The following ABCC1 variants were observed in gnomAD, a reference collection of about 807,000 sequenced individuals.
ABCC1 encodes the protein multidrug resistance-associated protein 1.
Under a neutral mutation model 172.9 loss-of-function variants are expected in ABCC1, and 83 were observed. That is an observed-to-expected ratio of 0.48 (90% CI 0.40 to 0.58). ABCC1 has a LOEUF of 0.58. ABCC1 is among the 20% of genes least tolerant of loss of function. The probability of loss-of-function intolerance (pLI) is 0.00; values close to 1 mark genes in which losing one functional copy is unlikely to be tolerated. For missense variants in ABCC1, 1,817 were observed against 2,002.7 expected (o/e 0.91, Z 1.77); for synonymous variants, 937 against 825.2 (o/e 1.14, Z -2.32).
chr16:15,973,077 G>T (rs1301182256), intron 1 of ABCC1, among the ~76,000 whole-genome samples: 2 of 152,080 alleles, frequency 1.3e-5, no homozygotes, highest in Non-Finnish European at 2.9e-5. Context: ...TGACAGGCAT[G>T]AGCCATCACA....
At chr16:16,128,462 T>C (rs1415362544) in intron 26 of ABCC1, among the ~76,000 whole-genome samples, 1 of 152,214 alleles carries the variant, frequency 6.6e-6, no homozygotes, top group African/African-American at 2.4e-5. Context: ...GTTCAGTTTT[T>C]AAAAGCATTT....
At chr16:16,091,837 G>A (rs1289569182) in intron 19 of ABCC1, among the ~76,000 whole-genome samples, 1 of 152,224 alleles carries the variant, frequency 6.6e-6, no homozygotes, top group Non-Finnish European at 1.5e-5. Context: ...TGCTGGCAGG[G>A]TTGGTTCTCA....
intron 13 of ABCC1, among the ~76,000 whole-genome samples, chr16:16,069,742 AG>A (rs997769339): frequency 1.1e-4 from 17 of 151,712 alleles, no homozygotes; most frequent in African/African-American, 2.4e-4. Flanking sequence ...AGAAAAAAAA[AG>A]CCAAGCATGA....
intron 1 of ABCC1, among the ~76,000 whole-genome samples, chr16:15,966,370 C>T (rs1049394302): frequency 2.0e-5 from 3 of 150,554 alleles, no homozygotes; most frequent in Non-Finnish European, 4.4e-5. Context: ...TGAGATTGTG[C>T]CACTGCACTC....
chr16:16,012,178 C>T (rs1267767921), intron 3 of ABCC1, among the ~76,000 whole-genome samples: 1 of 152,206 alleles, frequency 6.6e-6, no homozygotes, highest in East Asian at 1.9e-4. Flanking sequence ...TTTATTAACC[C>T]TTTTACGTTG....
intron 25 of ABCC1, 134 bp downstream of exon 25, chr16:16,125,049 C>T (rs1444279066): frequency 1.2e-5 from 15 of 1,236,682 alleles, no homozygotes; most frequent in African/African-American, 1.5e-5. Flanking sequence ...GGAGCAGGTA[C>T]AGTGCCACAG....
intron 1 of ABCC1, among the ~76,000 whole-genome samples, chr16:15,957,352 C>T (rs1218458610): frequency 6.7e-6 from 1 of 150,088 alleles, no homozygotes; most frequent in Admixed American, 6.7e-5. Context: ...TCCCAAAGTG[C>T]TGGGATTATA....
At chr16:15,971,859 C>T (rs2046377652) in intron 1 of ABCC1, among the ~76,000 whole-genome samples, 1 of 152,056 alleles carries the variant, frequency 6.6e-6, no homozygotes, top group Non-Finnish European at 1.5e-5. Context: ...TAAAATGACA[C>T]AGACACACGT....
chr16:15,998,904 T>C (rs200354426), intron 1 of ABCC1, among the ~76,000 whole-genome samples: 1 of 152,214 alleles, frequency 6.6e-6, no homozygotes, highest in East Asian at 1.9e-4. Context: ...TTATTGTCTC[T>C]AGACTGTATC....
chr16:15,990,816 A>AT (rs57111358), intron 1 of ABCC1, among the ~76,000 whole-genome samples: 5,562 of 118,120 alleles, frequency 0.047, 204 homozygotes, highest in African/African-American at 0.099. Context: ...CGCCCGGCTA[A>AT]TTTTTTTTTT....
intron 19 of ABCC1, among the ~76,000 whole-genome samples, chr16:16,100,323 G>T (rs1457814223): frequency 6.6e-6 from 1 of 150,930 alleles, no homozygotes; most frequent in African/African-American, 2.4e-5. Context: ...AGTGAAGGCT[G>T]AGGCTTATAG....
intron 1 of ABCC1, among the ~76,000 whole-genome samples, chr16:15,984,174 C>T (rs2151599461): frequency 6.6e-6 from 1 of 152,288 alleles, no homozygotes; most frequent in Admixed American, 6.5e-5. Flanking sequence ...TCCACCCCTT[C>T]CGTGGTAGGG....
chr16:16,121,883 G>C, intron 23 of ABCC1, 92 bp from the exon 24 acceptor site: 1 of 1,407,718 alleles, frequency 7.1e-7, no homozygotes, highest in Non-Finnish European at 9.9e-7. Context: ...GGAGGTATCG[G>C]TTACGTCTAG....
chr16:16,043,243 T>TTTTTTTTTTTTCC (rs1021835519), intron 7 of ABCC1, among the ~76,000 whole-genome samples: 18 of 140,866 alleles, frequency 1.3e-4, no homozygotes, highest in Non-Finnish European at 1.8e-4. Flanking sequence ...TTTTTTTTTT[T>TTTTTTTTTTTTCC]CCACTGATGT....
intron 21 of ABCC1, 33 bp from the exon 22 acceptor site, chr16:16,111,342 G>A (rs377629331): frequency 1.3e-5 from 21 of 1,601,556 alleles, no homozygotes; most frequent in African/African-American, 2.7e-5. Context: ...GTGCGTGCAT[G>A]TGCTAAGCTG....
intron 19 of ABCC1, among the ~76,000 whole-genome samples, chr16:16,099,371 A>T (rs1283331317): frequency 6.6e-6 from 1 of 152,198 alleles, no homozygotes; most frequent in African/African-American, 2.4e-5. Flanking sequence ...GACCCTGAAG[A>T]GGGATGTCGC....
intron 19 of ABCC1, among the ~76,000 whole-genome samples, chr16:16,092,931 G>A (rs752446461): frequency 1.3e-5 from 2 of 152,184 alleles, no homozygotes; most frequent in Non-Finnish European, 2.9e-5. Flanking sequence ...AGGCTGCTGT[G>A]AGCCAAAATC....
In ABCC1 at chr16:16,086,998, G is replaced by A. The variant is rs1456038892; in HGVS notation, c.2460+7G>A. ...GGGGATGCTGAAGAACAAGGTGCCT[G>A]CTGGCGGGGTGGGGCTTGGTGTTGG... On this transcript the variant is annotated splice_region_variant and intron_variant, in intron 18 of 30. Coordinates refer to ENST00000399410, the MANE Select transcript of ABCC1 (RefSeq NM_004996.4). 6.2e-7 allele frequency: 1 copy of A among 1,614,090 alleles called. No individual in the cohort carries two copies. Among genetic ancestry groups the A allele is most frequent in the Admixed American group, 1.7e-5 (1 of 60,024 alleles).
chr16:16,134,711 A>G lies in ABCC1; in HGVS notation c.4125+203A>G, dbSNP rs1301102649. 3.6e-5 allele frequency among the ~76,000 whole-genome samples: 5 copies of G among 137,574 alleles called. No homozygotes were observed. In the East Asian group the frequency reaches 1.1e-3, roughly 29 times the overall value. The allele number at this position is 137,574 out of a possible 152,430, so 90.3% of individuals were successfully genotyped here. On this transcript the variant is annotated intron_variant, in intron 28 of 30. Transcript: ENST00000399410. Reference sequence around the variant, plus strand: ...GAGTGCGCTGGCGCAATCTCAGCTCACTGCAACCTCCGTCTCCCAGGCTCA... The same window carrying G: ...GAGTGCGCTGGCGCAATCTCAGCTCGCTGCAACCTCCGTCTCCCAGGCTCA...
Sources: gnomAD v4.1 joint callset for allele counts (sites outside exome capture counted in the v4.1 genomes callset) on GRCh38, gnomAD v4.1.1 for gene constraint, MANE v1.5 for transcripts, NCBI Gene and HGNC (gene_info 2026-07-23, HGNC 2026-07-21) for gene names.